TUBGCP5: variants seen among roughly 807,000 people sequenced by gnomAD.
The protein encoded by TUBGCP5 is tubulin gamma complex component 5.
A neutral mutation model predicts 134.7 loss-of-function variants in TUBGCP5; 98 were observed. The observed-to-expected ratio is 0.73, with a 90% CI of 0.62 to 0.86. The LOEUF (loss-of-function observed/expected upper bound fraction) is 0.86, where lower values mean the gene tolerates loss of function less well. TUBGCP5 is among the 40% of genes least tolerant of loss of function. The probability of loss-of-function intolerance (pLI) is 0.00; values close to 1 mark genes in which losing one functional copy is unlikely to be tolerated. For missense variants in TUBGCP5, 1,150 were observed against 1,244.8 expected (o/e 0.92, Z 1.15); for synonymous variants, 456 against 431.4 (o/e 1.06, Z -0.71).
At chr15:23,025,382 T>A (rs570348300) in intron 8 of TUBGCP5, among the ~76,000 whole-genome samples, 13 of 152,272 alleles carry the variant, frequency 8.5e-5, no homozygotes, top group African/African-American at 3.1e-4. Flanking sequence ...CCCAAAGAGA[T>A]CTTCCTATTT....
At chr15:23,017,629 A>C (rs2065412758) in intron 13 of TUBGCP5, 144 bp downstream of exon 13, 2 of 775,064 alleles carry the variant, frequency 2.6e-6, no homozygotes, top group African/African-American at 3.5e-5. Context: ...CATGGTTACT[A>C]ATTCAACCAT....
At chr15:22,983,643 A>G (rs1183569509) in intron 23 of TUBGCP5, 1 of 152,144 alleles carries the variant, frequency 6.6e-6, no homozygotes, top group African/African-American at 2.4e-5. Flanking sequence ...AATTAGACAC[A>G]GTAAGACATT....
Position 23,011,204 on chromosome 15 carries a change from C to A in TUBGCP5, c.1884G>T (p.Met628Ile), listed in dbSNP as rs763805147. Residue 628 changes from methionine (M) to isoleucine (I), a missense_variant, in exon 14 of 23, where the codon ATG becomes ATT. Coordinates refer to ENST00000615383, the MANE Select transcript of TUBGCP5 (RefSeq NM_052903.6). ...CAAGATGGCTTTCAGCAATGGACTG[C>A]ATCTTCATCAGGTTCTCCTTGGTTG... ...QQATKENLMK[M>I]QSIAESHLEL... 3.1e-6 allele frequency: 5 copies of A among 1,613,812 alleles called. No homozygotes were observed. Among genetic ancestry groups the A allele is most frequent in the Non-Finnish European group, 4.2e-6 (5 of 1,179,998 alleles).
At position 22,993,525 on chromosome 15, in the gene TUBGCP5, G is replaced by GTTTTTTTTTTT. The variant is rs71414252; in HGVS notation, c.*61+3309_*61+3319dup. On this transcript the variant is annotated intron_variant and NMD_transcript_variant, in intron 23 of 23. Transcript: ENST00000614508. ...TAATCCTCCCACCTCAGCCCCCGAA[G>GTTTTTTTTTTT]TTTTTTTTTTTTTTTTTTTTTTTTT... is the stretch of plus-strand genomic sequence containing the variant. Among the ~76,000 whole-genome samples the GTTTTTTTTTTT allele has an allele frequency of 2.6e-4, 18 of 69,288 alleles. 1 individual carries two copies. The highest frequency in any genetic ancestry group is 8.4e-4 in the African/African-American group (14 of 16,736). The allele number at this position is 69,288 out of a possible 152,430, so 45.5% of individuals were successfully genotyped here. A position where few individuals can be genotyped will look rare whatever the true frequency, so the allele number is the denominator to read the frequency against.
At chr15:22,997,469 C>T (rs952191373), downstream of TUBGCP5, among the ~76,000 whole-genome samples, 5 of 149,932 alleles carry the variant, frequency 3.3e-5, no homozygotes, top group Non-Finnish European at 5.9e-5. Flanking sequence ...CATGAGCCAC[C>T]GTGCTCGGCC....
chr15:23,039,263 T>A (rs549542811), intron 1 of TUBGCP5, 135 bp downstream of exon 1: 10 of 1,048,596 alleles, frequency 9.5e-6, no homozygotes, highest in Admixed American at 4.7e-5. Context: ...TGGCAGGGCC[T>A]GCGAAGGCTC....
chr15:23,004,575 C>A (rs535425577), intron 19 of TUBGCP5: 2 of 188,008 alleles, frequency 1.1e-5, no homozygotes, highest in East Asian at 1.5e-4. Flanking sequence ...TACTTTTATA[C>A]AAATAATTAC....
Position 23,013,766 on chromosome 15 carries a change from G to A in TUBGCP5, c.1757-2435C>T, listed in dbSNP as rs1280082883. Among the ~76,000 whole-genome samples the A allele has an allele frequency of 6.6e-6, 1 of 152,184 alleles. No individual in the cohort carries two copies. The highest frequency in any genetic ancestry group is 1.5e-5 in the Non-Finnish European group (1 of 68,026). On this transcript the variant is annotated intron_variant, in intron 13 of 22. Coordinates refer to ENST00000615383, the MANE Select transcript of TUBGCP5 (RefSeq NM_052903.6). The surrounding 1 kb of genome is among the most constrained non-coding windows in gnomAD (Gnocchi z 4.5). Reference sequence around the variant, plus strand: ...TTGCCCCGGGTTAGGGGCACAAGGTGTGCCTTCCCCACCCACCCCTTTGAG... The same window carrying A: ...TTGCCCCGGGTTAGGGGCACAAGGTATGCCTTCCCCACCCACCCCTTTGAG...
intron 13 of TUBGCP5, 46 bp from the exon 14 acceptor site, chr15:23,011,377 C>A (rs1567121066): frequency 2.2e-6 from 3 of 1,392,382 alleles, no homozygotes; most frequent in South Asian, 1.3e-5. Flanking sequence ...TCTGTTTAAT[C>A]ATATTAAGTA....
intron 23 of TUBGCP5, among the ~76,000 whole-genome samples, chr15:22,993,532 T>TG (rs1567083104): frequency 1.1e-5 from 1 of 89,090 alleles, no homozygotes; most frequent in African/African-American, 4.8e-5. Context: ...GAAGTTTTTT[T>TG]TTTTTTTTTT....
downstream of TUBGCP5, among the ~76,000 whole-genome samples, chr15:22,996,057 T>C (rs1387774134): frequency 6.6e-6 from 1 of 152,238 alleles, no homozygotes; most frequent in East Asian, 1.9e-4. Flanking sequence ...AGCTTTTAGC[T>C]CTTATGAATA....
chr15:22,995,569 C>T (rs562748214), downstream of TUBGCP5, among the ~76,000 whole-genome samples: 3 of 124,962 alleles, frequency 2.4e-5, no homozygotes, highest in African/African-American at 3.4e-5. Context: ...AGCAAGGCTC[C>T]GTCTCAAAAA....
intron 21 of TUBGCP5, among the ~76,000 whole-genome samples, chr15:23,001,403 G>A (rs367598198): frequency 8.1e-4 from 123 of 151,306 alleles, no homozygotes; most frequent in African/African-American, 2.4e-3. Context: ...GCAATGTAGC[G>A]ATCTCGGCTC....
Position 23,005,559 on chromosome 15 carries a change from T to C in TUBGCP5, c.2585A>G (p.Glu862Gly), listed in dbSNP as rs148426483. 5 of 1,614,056 alleles carry C rather than the reference T, an allele frequency of 3.1e-6. No homozygotes were observed. Among genetic ancestry groups the C allele is most frequent in the Non-Finnish European group, 2.5e-6 (3 of 1,180,036 alleles). Residue 862 changes from glutamate (E) to glycine (G), a missense_variant, in exon 19 of 23, where the codon GAA becomes GGA. By Grantham distance (98) the Glu-to-Gly change is moderately conservative (BLOSUM62 -2). Around this residue, in one of 2 missense-constraint regions of TUBGCP5, gnomAD observed 697 missense variants for 850.1 expected, o/e 0.82. Transcript: ENST00000615383. ...TCCGAACTGAGCAACTGTGTCTTGT[T>C]CATGTATAAGGCCTTCTTTAAGTCG... Reference protein sequence around the residue: ...KPRLKEGLIHEQDTVAQFGPQ... With the variant: ...KPRLKEGLIHGQDTVAQFGPQ...
At chr15:22,998,202 C>T (rs559451852), downstream of TUBGCP5, among the ~76,000 whole-genome samples, 68 of 152,120 alleles carry the variant, frequency 4.5e-4, no homozygotes, top group African/African-American at 1.4e-3. Context: ...GAGATCCCAG[C>T]TACTCGGGAG....
Position 23,003,162 on chromosome 15 carries a change from CAA to C in TUBGCP5, c.2839-11_2839-10del. 1 of 1,613,666 alleles carries C rather than the reference CAA, an allele frequency of 6.2e-7. No individual in the cohort carries two copies. The highest frequency in any genetic ancestry group is 8.5e-7 in the Non-Finnish European group (1 of 1,179,604). On this transcript the variant is annotated splice_polypyrimidine_tract_variant and intron_variant, in intron 20 of 22. Transcript: ENST00000615383. ...TCTTTCACAAAGCTGACCTGCAGACCAAAGTCACAGAACACAAACTGTGTAAC... is the reference window on the plus strand; with the variant it reads ...TCTTTCACAAAGCTGACCTGCAGACCAGTCACAGAACACAAACTGTGTAAC...
chr15:23,021,277 T>C (rs2065673854), intron 11 of TUBGCP5, among the ~76,000 whole-genome samples: 1 of 152,194 alleles, frequency 6.6e-6, no homozygotes, highest in Non-Finnish European at 1.5e-5. Flanking sequence ...GGCCTAGATT[T>C]GTATTTTTTA....
At position 23,005,628 on chromosome 15, in the gene TUBGCP5, A is replaced by T; in HGVS notation, c.2534-18T>A. The T allele has an allele frequency of 6.2e-7, 1 of 1,605,488 alleles. No homozygotes were observed. The highest frequency in any genetic ancestry group is 1.3e-5 in the African/African-American group (1 of 74,776). ...AACCAGTTCTATAAAACATTGGAAG[A>T]GCAAAGTGGACAGAAAGAGCATCAA... is the stretch of plus-strand genomic sequence containing the variant. On this transcript the variant is annotated intron_variant, in intron 18 of 22. Coordinates refer to ENST00000615383, the MANE Select transcript of TUBGCP5 (RefSeq NM_052903.6).
intron 6 of TUBGCP5, 108 bp downstream of exon 6, chr15:23,030,777 G>T: frequency 7.3e-7 from 1 of 1,361,700 alleles, no homozygotes; most frequent in South Asian, 1.4e-5. Context: ...TATAAGGATG[G>T]TAGAGCTTAG....
Sources: allele counts gnomAD v4.1 joint callset (sites outside exome capture counted in the v4.1 genomes callset), GRCh38; gene constraint gnomAD v4.1.1; regional missense constraint gnomAD v4.1.1; non-coding constraint Gnocchi (gnomAD v3.1); transcripts MANE v1.5; gene names NCBI Gene and HGNC (gene_info 2026-07-23, HGNC 2026-07-21).